The following TASP1 variants were observed in gnomAD, a reference collection of about 807,000 sequenced individuals.
The protein encoded by TASP1 is taspase 1.
In TASP1, 16 loss-of-function variants were observed where a neutral mutation model predicts 56.6. The observed-to-expected ratio is 0.28, with a 90% CI of 0.19 to 0.43. The LOEUF (loss-of-function observed/expected upper bound fraction) is 0.43, where lower values mean the gene tolerates loss of function less well. Ranked by LOEUF, TASP1 falls within the 20% of genes least tolerant of loss-of-function variation. TASP1 has a pLI of 1.00. For missense variants in TASP1, 393 were observed against 511.6 expected, an observed-to-expected ratio of 0.77 and a Z score of 2.24; for synonymous variants, 179 against 184.2, an observed-to-expected ratio of 0.97 and a Z score of 0.23.
chr20:13,158,828 C>A, the TASP1 span, among the ~76,000 whole-genome samples: 1 of 152,208 alleles, frequency 6.6e-6, no homozygotes, highest in Non-Finnish European at 1.5e-5. Context: ...GACTGCTCAA[C>A]AGCAAAACAA....
the TASP1 span, among the ~76,000 whole-genome samples, chr20:13,145,043 G>A: frequency 6.6e-6 from 1 of 152,092 alleles, no homozygotes; most frequent in Admixed American, 6.5e-5. Context: ...CCAAAGTGCT[G>A]GGATTACAGG....
At chr20:13,242,936 T>C in the TASP1 span, among the ~76,000 whole-genome samples, 11 of 152,208 alleles carry the variant, frequency 7.2e-5, no homozygotes, top group Non-Finnish European at 1.6e-4. Context: ...TGATTAATAT[T>C]GACTTATTTA....
chr20:13,401,231 C>T (rs1021244999), intron 13 of TASP1, among the ~76,000 whole-genome samples: 3 of 152,098 alleles, frequency 2.0e-5, no homozygotes, highest in African/African-American at 7.2e-5. Flanking sequence ...TAAAATTTTT[C>T]CATATAATTT....
chr20:13,416,532 G>A (rs2146058326), intron 13 of TASP1, among the ~76,000 whole-genome samples: 1 of 152,240 alleles, frequency 6.6e-6, no homozygotes, highest in South Asian at 2.1e-4. Flanking sequence ...TGACAAATAA[G>A]CAATAAAGTG....
the TASP1 span, among the ~76,000 whole-genome samples, chr20:13,240,665 C>T: frequency 1.2e-4 from 19 of 152,158 alleles, no homozygotes; most frequent in Admixed American, 2.6e-4. Context: ...TAAATGATGG[C>T]TCCATCTGAT....
chr20:13,318,946 T>C, the TASP1 span, among the ~76,000 whole-genome samples: 1 of 152,268 alleles, frequency 6.6e-6, no homozygotes, highest in African/African-American at 2.4e-5. Flanking sequence ...ACTATAATGG[T>C]TAATACAGGT....
chr20:13,196,578 A>T, the TASP1 span, among the ~76,000 whole-genome samples: 2 of 152,202 alleles, frequency 1.3e-5, no homozygotes, highest in Admixed American at 6.5e-5. Flanking sequence ...AGCACTTCAT[A>T]TGTGCCATCT....
At chr20:13,228,653 A>T in the TASP1 span, among the ~76,000 whole-genome samples, 125 of 152,262 alleles carry the variant, frequency 8.2e-4, 1 homozygote, top group African/African-American at 2.9e-3. Flanking sequence ...CCTGTTCAGC[A>T]TATGGTGGAC....
the TASP1 span, among the ~76,000 whole-genome samples, chr20:13,215,039 G>A: frequency 2.6e-5 from 4 of 152,180 alleles, no homozygotes; most frequent in African/African-American, 4.8e-5. Context: ...CTTGATCGGA[G>A]TAGCAAAAAT....
intron 1 of TASP1, among the ~76,000 whole-genome samples, chr20:13,636,665 C>T (rs2049322275): frequency 6.6e-6 from 1 of 151,968 alleles, no homozygotes. Flanking sequence ...CTGGGAGCAA[C>T]CTAAATGTCC....
chr20:13,235,882 G>T, the TASP1 span, among the ~76,000 whole-genome samples: 1 of 152,096 alleles, frequency 6.6e-6, no homozygotes, highest in African/African-American at 2.4e-5. Context: ...GAACATGCCT[G>T]GGGACAGGAG....
At chr20:13,618,841 T>C (rs1366742448) in intron 4 of TASP1, among the ~76,000 whole-genome samples, 4 of 152,160 alleles carry the variant, frequency 2.6e-5, no homozygotes, top group South Asian at 2.1e-4. Flanking sequence ...CCTTTTACTA[T>C]ATAAAATGTA....
the TASP1 span, among the ~76,000 whole-genome samples, chr20:13,224,748 A>C: frequency 5.9e-5 from 9 of 152,074 alleles, no homozygotes; most frequent in Non-Finnish European, 1.2e-4. Flanking sequence ...ATAAAGTAGT[A>C]GTAAGAAAAG....
the TASP1 span, among the ~76,000 whole-genome samples, chr20:13,223,635 C>T: frequency 6.6e-6 from 1 of 152,180 alleles, no homozygotes; most frequent in Non-Finnish European, 1.5e-5. Flanking sequence ...TGAGACATTT[C>T]TAAAAATGTC....
chr20:13,231,326 G>A, the TASP1 span, among the ~76,000 whole-genome samples: 4,812 of 152,248 alleles, frequency 0.032, 261 homozygotes, highest in African/African-American at 0.11. Flanking sequence ...ATGCCCTCCC[G>A]GAGCAGTCAG....
In TASP1 at chr20:13,390,376, T is replaced by C; in HGVS notation, c.1247A>G (p.Glu416Gly). 6.2e-7 allele frequency: 1 copy of C among 1,613,996 alleles called. No homozygotes were observed. The highest frequency in any genetic ancestry group is 8.5e-7 in the Non-Finnish European group (1 of 1,179,930). ...CCTGAAGGGTCAGTTCACTGGGCTC[T>C]CCAGGCGGCACACCCCACCTTCGAT... The part of the protein sequence containing the change: ...VAIEGGVCRL[E>G]SPVN The change falls in exon 14 of 14, where the codon GAG becomes GGG. Residue 416 changes from glutamate to glycine, a missense_variant. Glu to Gly is a moderately conservative substitution (Grantham distance 98, BLOSUM62 -2). Transcript: ENST00000337743.
chr20:13,284,645 A>G, the TASP1 span, among the ~76,000 whole-genome samples: 6 of 152,170 alleles, frequency 3.9e-5, no homozygotes, highest in African/African-American at 1.4e-4. Context: ...GAAATCCCCA[A>G]GAGGAGGGTC....
intron 11 of TASP1, among the ~76,000 whole-genome samples, chr20:13,440,635 G>A (rs530674719): frequency 7.9e-5 from 12 of 151,552 alleles, no homozygotes; most frequent in Non-Finnish European, 1.8e-4. Context: ...TAGTTAGGAT[G>A]TGAATAGCTA....
the TASP1 span, among the ~76,000 whole-genome samples, chr20:13,297,555 A>T: frequency 6.6e-6 from 1 of 152,242 alleles, no homozygotes; most frequent in Non-Finnish European, 1.5e-5. Flanking sequence ...TCCTGGACTC[A>T]GATGACTGAG....
Sources: allele counts gnomAD v4.1 joint callset (sites outside exome capture counted in the v4.1 genomes callset), GRCh38; gene constraint gnomAD v4.1.1; transcripts MANE v1.5; gene names NCBI Gene and HGNC (gene_info 2026-07-23, HGNC 2026-07-21).